Variants in MYH9 observed in about 807,000 individuals in gnomAD.
MYH9 encodes the protein myosin heavy chain 9.
Under a neutral mutation model 241.9 loss-of-function variants are expected in MYH9, and 29 were observed. The ratio of observed to expected loss-of-function variants is 0.12; its 90% CI spans 0.09 to 0.16. The LOEUF (loss-of-function observed/expected upper bound fraction) is 0.16, where lower values mean the gene tolerates loss of function less well. Ranked by LOEUF, MYH9 falls within the 10% of genes least tolerant of loss-of-function variation. The probability of loss-of-function intolerance (pLI) is 1.00; values close to 1 mark genes in which losing one functional copy is unlikely to be tolerated. For missense variants in MYH9, 1,803 were observed against 2,595.5 expected (o/e 0.69, Z 6.63); for synonymous variants, 1,047 against 1,062.6 (o/e 0.99, Z 0.29).
Position 36,282,594 on chromosome 22 carries a change from C to G in MYH9, c.*74G>C. The G allele has an allele frequency of 3.0e-6, 4 of 1,345,822 alleles. No homozygotes were observed. The highest frequency in any genetic ancestry group is 4.2e-6 in the Non-Finnish European group (4 of 941,224). The allele number at this position is 1,345,822 out of a possible 1,614,324, so 83.4% of individuals were successfully genotyped here. A position where few individuals can be genotyped will look rare whatever the true frequency, so the allele number is the denominator to read the frequency against. ...GCAGTCCCAAGAAGGTGGGGAGAGG[C>G]GTGCTGCGGGGTCTGGGAAGGGGAG... is the stretch of plus-strand genomic sequence containing the variant. On this transcript the variant is annotated 3_prime_UTR_variant, in exon 41 of 41. Coordinates refer to ENST00000216181, the MANE Select transcript of MYH9 (RefSeq NM_002473.6).
At chr22:36,314,366 A>G (rs2017116351) in intron 12 of MYH9, 48 bp from the exon 13 acceptor site, 1 of 1,608,468 alleles carries the variant, frequency 6.2e-7, no homozygotes, top group Non-Finnish European at 8.5e-7. Flanking sequence ...CCTGCACTAA[A>G]GAGGCCCAGA....
intron 1 of MYH9, among the ~76,000 whole-genome samples, chr22:36,385,951 A>G (rs1400761728): frequency 1.3e-5 from 2 of 152,322 alleles, no homozygotes; most frequent in East Asian, 3.9e-4. Context: ...CTTGCCCAAG[A>G]GAAGTGGCCC....
Position 36,295,082 on chromosome 22 carries a change from C to G in MYH9, c.3486-6G>C, listed in dbSNP as rs750568167. On this transcript the variant is annotated splice_polypyrimidine_tract_variant and splice_region_variant and intron_variant, in intron 26 of 40. Coordinates refer to ENST00000216181, the MANE Select transcript of MYH9 (RefSeq NM_002473.6). This position sits in a 1 kb window ranked among gnomAD's most constrained non-coding sequence, Gnocchi z 4.1. ...CCTCCTGCTCACGTTTTGACCTGGA[C>G]AGAGAAATCCCCTCAGAGTGGAGGC... 1 of 1,614,162 alleles carries G rather than the reference C, an allele frequency of 6.2e-7. No homozygotes were observed. Among genetic ancestry groups the G allele is most frequent in the Non-Finnish European group, 8.5e-7 (1 of 1,180,042 alleles).
Position 36,316,684 on chromosome 22 carries a change from C to G in MYH9, c.1228-15G>C. The stretch of plus-strand genomic sequence containing the variant: ...GCAAAGTCAGCCTGCGGGGCACACC[C>G]GGGGAGCGTGGTGTCAGATACAAAG... On this transcript the variant is annotated splice_polypyrimidine_tract_variant and intron_variant, in intron 11 of 40. Coordinates refer to ENST00000216181, the MANE Select transcript of MYH9 (RefSeq NM_002473.6). 6.2e-7 allele frequency: 1 copy of G among 1,613,392 alleles called. No homozygotes were observed. Among genetic ancestry groups the G allele is most frequent in the Non-Finnish European group, 8.5e-7 (1 of 1,180,010 alleles).
chr22:36,304,057 G>A lies in MYH9; in HGVS notation c.2328C>T (p.Asp776=), dbSNP rs754515051. 1 of 1,613,850 alleles carries A rather than the reference G, an allele frequency of 6.2e-7. No individual in the cohort carries two copies. Among genetic ancestry groups the A allele is most frequent in the Non-Finnish European group, 8.5e-7 (1 of 1,180,030 alleles). The part of the protein sequence containing the change: ...GVLAHLEEER[D]LKITDVIIGF... ...CTATGATGACGTCGGTGATCTTCAGGTCTCGCTCCTCCTCCAGGTGGGCCA... is the reference window on the plus strand; with the variant it reads ...CTATGATGACGTCGGTGATCTTCAGATCTCGCTCCTCCTCCAGGTGGGCCA... Residue 776 remains aspartate, a synonymous_variant, in exon 19 of 41, where the codon GAC becomes GAT. Coordinates refer to ENST00000216181, the MANE Select transcript of MYH9 (RefSeq NM_002473.6).
intron 1 of MYH9, among the ~76,000 whole-genome samples, chr22:36,377,665 T>G (rs1201212053): frequency 1.5e-4 from 23 of 152,052 alleles, no homozygotes; most frequent in Non-Finnish European, 1.5e-5. Flanking sequence ...ATCTCAGCAC[T>G]TTGGGAGGCC....
At chr22:36,319,916 C>T in intron 9 of MYH9, 1 of 609,834 alleles carries the variant, frequency 1.6e-6, no homozygotes, top group Non-Finnish European at 2.9e-6. Context: ...GCTTCTTCCA[C>T]ACTCCCCGAG....
intron 3 of MYH9, among the ~76,000 whole-genome samples, chr22:36,335,972 C>T: frequency 6.6e-6 from 1 of 152,246 alleles, no homozygotes; most frequent in African/African-American, 2.4e-5. Context: ...GGCATGTGCA[C>T]ACTCACTGGC....
chr22:36,335,714 C>T (rs2017487792), intron 3 of MYH9, among the ~76,000 whole-genome samples: 2 of 152,328 alleles, frequency 1.3e-5, no homozygotes, highest in South Asian at 4.1e-4. Context: ...GATAAGAATT[C>T]CTTCAAGACC....
At chr22:36,291,560 T>C (rs2016703428) in intron 31 of MYH9, among the ~76,000 whole-genome samples, 2 of 152,004 alleles carry the variant, frequency 1.3e-5, no homozygotes, top group Non-Finnish European at 2.9e-5. Flanking sequence ...AAGGGTCCTC[T>C]GCCTAGGAAA....
At chr22:36,379,420 A>G (rs2018220945) in intron 1 of MYH9, among the ~76,000 whole-genome samples, 1 of 152,120 alleles carries the variant, frequency 6.6e-6, no homozygotes, top group South Asian at 2.1e-4. Context: ...GAGGCAGGAG[A>G]ATGGCGTGAA....
intron 30 of MYH9, 135 bp from the exon 31 acceptor site, chr22:36,292,369 C>G: frequency 8.5e-7 from 1 of 1,182,312 alleles, no homozygotes; most frequent in Non-Finnish European, 1.2e-6. Flanking sequence ...TATGAAACCG[C>G]CTCCCCCAGT....
At position 36,295,068 on chromosome 22, in the gene MYH9, C is replaced by G; in HGVS notation, c.3494G>C (p.Arg1165Pro). 1 of 1,614,196 alleles carries G rather than the reference C, an allele frequency of 6.2e-7. No individual in the cohort carries two copies. The highest frequency in any genetic ancestry group is 8.5e-7 in the Non-Finnish European group (1 of 1,180,038). ...CTTCAGGATGTTCACCTCCTGCTCACGTTTTGACCTGGACAGAGAAATCCC... is the reference window on the plus strand; with the variant it reads ...CTTCAGGATGTTCACCTCCTGCTCAGGTTTTGACCTGGACAGAGAAATCCC... ...TAAQQELRSK[R>P]EQEVNILKKT... Residue 1165 changes from arginine to proline, a missense_variant, in exon 27 of 41, where the codon CGT (arginine) becomes CCT (proline). Arg to Pro is a moderately radical substitution (Grantham distance 103). Coordinates refer to ENST00000216181, the MANE Select transcript of MYH9 (RefSeq NM_002473.6). The surrounding 1 kb of genome is among the most constrained non-coding windows in gnomAD (Gnocchi z 4.1).
chr22:36,302,514 A>G, intron 20 of MYH9, 54 bp downstream of exon 20: 1 of 1,407,518 alleles, frequency 7.1e-7, no homozygotes, highest in Non-Finnish European at 1.0e-6. Context: ...CCAGGTATGT[A>G]TGGTGGTGTG....
At chr22:36,323,868 G>C (rs1031858559) in intron 5 of MYH9, among the ~76,000 whole-genome samples, 1 of 152,258 alleles carries the variant, frequency 6.6e-6, no homozygotes, top group Non-Finnish European at 1.5e-5. Flanking sequence ...GAGGGCAGGG[G>C]TCAAGCCCAC....
intron 12 of MYH9, among the ~76,000 whole-genome samples, chr22:36,314,709 C>T (rs1243041676): frequency 4.6e-5 from 7 of 151,706 alleles, no homozygotes; most frequent in East Asian, 1.9e-4. Context: ...AGTACAATGG[C>T]GCAATCTCAG....
rs926125801 is a variant in MYH9, at chr22:36,318,261, G to A, written c.1173C>T (p.Thr391=). The A allele has an allele frequency of 1.9e-6, 3 of 1,614,162 alleles. No homozygotes were observed. Among genetic ancestry groups the A allele is most frequent in the Non-Finnish European group, 2.5e-6 (3 of 1,180,042 alleles). The change falls in exon 11 of 41, where the codon ACC becomes ACT. Residue 391 remains threonine, a synonymous_variant. Coordinates refer to ENST00000216181, the MANE Select transcript of MYH9 (RefSeq NM_002473.6). ...NVTDFTRGIL[T]PRIKVGRDYV... is the part of the protein sequence containing the mutation. ...AATCCCGTCCCACCTTGATGCGCGG[G>A]GTGAGGATTCCTCTGGTGAAATCGG...
At chr22:36,376,597 C>G (rs2018170942) in intron 1 of MYH9, among the ~76,000 whole-genome samples, 2 of 152,146 alleles carry the variant, frequency 1.3e-5, no homozygotes, top group African/African-American at 4.8e-5. Context: ...GGGCAACTCC[C>G]TTATACCCAA....
chr22:36,373,448 G>C (rs1466531926), intron 1 of MYH9, among the ~76,000 whole-genome samples: 1 of 152,238 alleles, frequency 6.6e-6, no homozygotes, highest in Non-Finnish European at 1.5e-5. Context: ...AGGTTGAAGA[G>C]CTTCCTCCAA....
Sources: gnomAD v4.1 joint callset for allele counts (sites outside exome capture counted in the v4.1 genomes callset) on GRCh38, gnomAD v4.1.1 for gene constraint, Gnocchi (gnomAD v3.1) non-coding constraint, MANE v1.5 for transcripts, NCBI Gene and HGNC (gene_info 2026-07-23, HGNC 2026-07-21) for gene names.